FSTL5: variants seen among roughly 807,000 people sequenced by gnomAD.
The protein encoded by FSTL5 is follistatin like 5, also known as follistatin-related protein 5.
A neutral mutation model predicts 89.1 loss-of-function variants in FSTL5; 62 were observed. That is an observed-to-expected ratio of 0.70 (90% CI 0.57 to 0.86). FSTL5 has a LOEUF of 0.86. Ranked by LOEUF, FSTL5 falls within the 40% of genes least tolerant of loss-of-function variation. The probability of loss-of-function intolerance (pLI) is 0.00; values close to 1 mark genes in which losing one functional copy is unlikely to be tolerated. For synonymous variants in FSTL5, 383 were observed against 346.2 expected (o/e 1.11, Z -1.18); for missense variants, 1,057 against 1,001.6 (o/e 1.06, Z -0.75).
intron 3 of FSTL5, among the ~76,000 whole-genome samples, chr4:161,951,388 G>A (rs993999022): frequency 1.2e-4 from 18 of 152,106 alleles, no homozygotes; most frequent in African/African-American, 4.3e-4. Flanking sequence ...ATTAAAAGCA[G>A]TCAGAAATCT....
chr4:161,825,539 AT>A (rs1361926298), intron 4 of FSTL5, among the ~76,000 whole-genome samples: 3 of 152,012 alleles, frequency 2.0e-5, no homozygotes, highest in Admixed American at 1.3e-4. Context: ...TTTGGTTGGC[AT>A]TTTTTATTAC....
intron 7 of FSTL5, among the ~76,000 whole-genome samples, chr4:161,599,547 C>G (rs574177976): frequency 5.9e-5 from 9 of 152,184 alleles, no homozygotes; most frequent in African/African-American, 2.2e-4. Flanking sequence ...TTAAACACTG[C>G]TTTTATAAAA....
rs554977507 is a variant in FSTL5 at position 161,410,242 on chromosome 4, G to A, written c.1842-23793C>T. Among the ~76,000 whole-genome samples, 6 of 152,230 alleles carry A rather than the reference G, an allele frequency of 3.9e-5. No individual in the cohort carries two copies. In the South Asian group the frequency reaches 1.2e-3, roughly 32 times the overall value. On this transcript the variant is annotated intron_variant, in intron 15 of 15. Coordinates refer to ENST00000306100, the MANE Select transcript of FSTL5 (RefSeq NM_020116.5). ...CCCAGATTCATACAAGATACTCTTTGCCTATGAAAAGACTTAGCCAACCAC... is the reference window on the plus strand; with the variant it reads ...CCCAGATTCATACAAGATACTCTTTACCTATGAAAAGACTTAGCCAACCAC...
chr4:161,816,461 C>T (rs1730329197), intron 4 of FSTL5, among the ~76,000 whole-genome samples: 1 of 152,116 alleles, frequency 6.6e-6, no homozygotes, highest in South Asian at 2.1e-4. Flanking sequence ...TTCCCTACCA[C>T]ACGATGTAAC....
In FSTL5 at chr4:161,383,918, CT is replaced by C. The variant is rs990458009; in HGVS notation, c.*1828del. On this transcript the variant is annotated 3_prime_UTR_variant, in exon 16 of 16. Transcript: ENST00000306100. Reference sequence around the variant, plus strand: ...AGGGTTAAAATGTAAGAGGTTTATTCTCCTTTTATCAAGCAGTGTCTACAGA... The same window carrying C: ...AGGGTTAAAATGTAAGAGGTTTATTCCCTTTTATCAAGCAGTGTCTACAGA... 36 of 152,220 alleles carry C rather than the reference CT, an allele frequency of 2.4e-4. 1 individual carries two copies. Among genetic ancestry groups the C allele is most frequent in the Admixed American group, 2.1e-3 (32 of 15,278 alleles). 9.4% of individuals were successfully genotyped at this position (152,220 alleles called of 1,614,324 possible). A position where few individuals can be genotyped will look rare whatever the true frequency, so the allele number is the denominator to read the frequency against.
chr4:161,983,721 T>C (rs558831439), intron 3 of FSTL5, among the ~76,000 whole-genome samples: 58 of 152,282 alleles, frequency 3.8e-4, no homozygotes, highest in African/African-American at 1.4e-3. Context: ...TATGAATACA[T>C]GTTTTTCAAT....
At chr4:161,939,668 C>T (rs369088859) in intron 3 of FSTL5, among the ~76,000 whole-genome samples, 1 of 151,858 alleles carries the variant, frequency 6.6e-6, no homozygotes, top group African/African-American at 2.4e-5. Context: ...TTCTTATTAC[C>T]AATTCAGACA....
At chr4:161,581,289 T>C (rs1733429204) in intron 8 of FSTL5, among the ~76,000 whole-genome samples, 1 of 152,212 alleles carries the variant, frequency 6.6e-6, no homozygotes, top group Admixed American at 6.5e-5. Flanking sequence ...TGTTGCTCCT[T>C]GTGCATGAAC....
Position 162,027,602 on chromosome 4 carries a change from A to G in FSTL5, c.160+6023T>C, listed in dbSNP as rs889079854. Reference sequence around the variant, plus strand: ...ACATATTTTTTAAATAGTAAAGATCATAAATGGAACAGATGTCAGCTAATG... The same window carrying G: ...ACATATTTTTTAAATAGTAAAGATCGTAAATGGAACAGATGTCAGCTAATG... On this transcript the variant is annotated intron_variant, in intron 3 of 15. Coordinates refer to ENST00000306100, the MANE Select transcript of FSTL5 (RefSeq NM_020116.5). Among the ~76,000 whole-genome samples the G allele has an allele frequency of 7.2e-4, 109 of 152,294 alleles. 1 individual carries two copies. The highest frequency in any genetic ancestry group is 7.4e-5 in the Non-Finnish European group (5 of 67,996).
intron 3 of FSTL5, among the ~76,000 whole-genome samples, chr4:162,015,797 T>A (rs997284581): frequency 3.3e-5 from 5 of 152,208 alleles, no homozygotes; most frequent in African/African-American, 1.2e-4. Flanking sequence ...TGTTTGTACT[T>A]GCCATAAAAT....
At chr4:162,160,411 G>A (rs182450540) in intron 1 of FSTL5, among the ~76,000 whole-genome samples, 93 of 151,928 alleles carry the variant, frequency 6.1e-4, no homozygotes, top group African/African-American at 2.1e-3. Context: ...TTTTGGAGGC[G>A]TTGAAGCAGA....
chr4:161,871,716 GATTT>G (rs550499547), intron 4 of FSTL5, among the ~76,000 whole-genome samples: 232 of 152,060 alleles, frequency 1.5e-3, no homozygotes, highest in Non-Finnish European at 2.9e-3. Context: ...TTTCCAAACT[GATTT>G]ATTTGTTAAT....
At chr4:161,919,710 G>C (rs1457951718) in intron 4 of FSTL5, among the ~76,000 whole-genome samples, 1 of 152,034 alleles carries the variant, frequency 6.6e-6, no homozygotes, top group African/African-American at 2.4e-5. Flanking sequence ...ATTTCCAACA[G>C]CATGAACAAG....
chr4:161,637,651 G>A (rs1246375857), intron 7 of FSTL5, among the ~76,000 whole-genome samples: 5 of 115,316 alleles, frequency 4.3e-5, no homozygotes, highest in East Asian at 5.0e-4. Context: ...TAAGGTGTAA[G>A]GAAGGGATCC....
At chr4:161,750,527 T>A (rs2126781220) in intron 6 of FSTL5, among the ~76,000 whole-genome samples, 1 of 152,292 alleles carries the variant, frequency 6.6e-6, no homozygotes, top group Non-Finnish European at 1.5e-5. Context: ...GCTAGAAAAT[T>A]TCAAAATATT....
chr4:162,010,077 C>T (rs1361158145), intron 3 of FSTL5, among the ~76,000 whole-genome samples: 1 of 151,416 alleles, frequency 6.6e-6, no homozygotes, highest in African/African-American at 2.4e-5. Flanking sequence ...TTTCTTGATG[C>T]TTTGTTTCTA....
chr4:161,573,217 C>G (rs1733081532), intron 8 of FSTL5, among the ~76,000 whole-genome samples: 1 of 151,800 alleles, frequency 6.6e-6, no homozygotes, highest in African/African-American at 2.4e-5. Context: ...TCGGACCAGC[C>G]TGGTGAACAT....
chr4:161,463,396 TAA>T (rs926700014), intron 13 of FSTL5, among the ~76,000 whole-genome samples: 39 of 152,212 alleles, frequency 2.6e-4, no homozygotes, highest in Admixed American at 1.8e-3. Flanking sequence ...AATTTATTTA[TAA>T]GTTTTCATGT....
rs1206158771 is a variant in FSTL5 at position 161,386,417 on chromosome 4, G to A, written c.1874C>T (p.Ala625Val). The A allele has an allele frequency of 1.9e-6, 3 of 1,612,334 alleles. No homozygotes were observed. Among genetic ancestry groups the A allele is most frequent in the Admixed American group, 1.7e-5 (1 of 59,846 alleles). The stretch of plus-strand genomic sequence containing the variant: ...GGTTTCAAGATCAATTTTTTGTAGT[G>A]CAGCTTCATCTTTATGAAGAATAAA... ...FGFILHKDEA[A>V]LQKIDLETMS... Residue 625 changes from alanine (A) to valine (V), a missense_variant, in exon 16 of 16, where the codon GCA (alanine) becomes GTA (valine). Around this residue, in one of 3 missense-constraint regions of FSTL5, gnomAD observed 980 missense variants for 903.2 expected, o/e 1.08. Transcript: ENST00000306100.
Sources: allele counts gnomAD v4.1 joint callset (sites outside exome capture counted in the v4.1 genomes callset), GRCh38; gene constraint gnomAD v4.1.1; regional missense constraint gnomAD v4.1.1; transcripts MANE v1.5; gene names NCBI Gene and HGNC (gene_info 2026-07-23, HGNC 2026-07-21).